Variants in CCDC91 observed in about 807,000 individuals in gnomAD.
CCDC91 encodes the protein coiled-coil domain-containing protein 91.
A neutral mutation model predicts 63.2 loss-of-function variants in CCDC91; 48 were observed. The ratio of observed to expected loss-of-function variants is 0.76; its 90% CI spans 0.60 to 0.97. The LOEUF (loss-of-function observed/expected upper bound fraction) is 0.97, where lower values mean the gene tolerates loss of function less well. Ranked by LOEUF, CCDC91 falls within the 50% of genes least tolerant of loss-of-function variation. CCDC91 has a pLI of 0.00. For missense variants in CCDC91, 500 were observed against 494.6 expected (o/e 1.01, Z -0.10); for synonymous variants, 167 against 165.8 (o/e 1.01, Z -0.06).
Position 28,506,867 on chromosome 12 carries a change from A to C in CCDC91, c.1215+22702A>C, listed in dbSNP as rs575483502. Among the ~76,000 whole-genome samples the C allele has an allele frequency of 3.3e-5, 5 of 151,962 alleles. No homozygotes were observed. The East Asian group carries it at 7.8e-4, about 24-fold the overall frequency. ...GAATCTGTCCTTCAGGGGTAAAAAA[A>C]AAAAAAGACAAAACCAAAACGATAA... On this transcript the variant is annotated intron_variant, in intron 12 of 12. Coordinates refer to ENST00000536442, the MANE Select transcript of CCDC91 (RefSeq NM_018318.5).
chr12:28,384,060 A>G (rs1945454156), intron 7 of CCDC91, among the ~76,000 whole-genome samples: 1 of 152,166 alleles, frequency 6.6e-6, no homozygotes, highest in African/African-American at 2.4e-5. Context: ...GTTGGTAACC[A>G]AGAACAGCAT....
chr12:28,196,176 C>T (rs556520971), intron 1 of CCDC91, among the ~76,000 whole-genome samples: 2 of 152,216 alleles, frequency 1.3e-5, no homozygotes, highest in East Asian at 3.9e-4. Context: ...TTAAGCTTTC[C>T]GCATAAAAAT....
At chr12:28,273,661 T>A (rs561036533) in intron 3 of CCDC91, among the ~76,000 whole-genome samples, 15 of 152,260 alleles carry the variant, frequency 9.9e-5, no homozygotes, top group African/African-American at 3.6e-4. Flanking sequence ...TCTGTTCATA[T>A]CCTTCGCCCA....
chr12:28,221,664 C>T (rs1592026197), intron 1 of CCDC91, among the ~76,000 whole-genome samples: 1 of 152,262 alleles, frequency 6.6e-6, no homozygotes. Flanking sequence ...GAGGATTCAG[C>T]TGAATGCTCC....
rs533842391 is a variant in CCDC91 at position 28,215,536 on chromosome 12, C to T, written c.-15+24895C>T. Among the ~76,000 whole-genome samples, 4 of 152,114 alleles carry T rather than the reference C, an allele frequency of 2.6e-5. No homozygotes were observed. In the South Asian group the frequency reaches 6.2e-4, roughly 24 times the overall value. On this transcript the variant is annotated intron_variant, in intron 1 of 12. Coordinates refer to ENST00000536442, the MANE Select transcript of CCDC91 (RefSeq NM_018318.5). Reference sequence around the variant, plus strand: ...AAATTTTGAAATAATGTAGGATTATCTTACCACTGTATCTATTAAGAAGAG... The same window carrying T: ...AAATTTTGAAATAATGTAGGATTATTTTACCACTGTATCTATTAAGAAGAG...
intron 11 of CCDC91, among the ~76,000 whole-genome samples, chr12:28,457,239 T>A (rs1310649878): frequency 6.6e-6 from 1 of 151,946 alleles, no homozygotes; most frequent in Non-Finnish European, 1.5e-5. Context: ...GTTTGGCAGC[T>A]AGTTGGGATA....
chr12:28,329,619 TTA>T (rs1379467587), intron 6 of CCDC91, among the ~76,000 whole-genome samples: 1 of 152,066 alleles, frequency 6.6e-6, no homozygotes, highest in African/African-American at 2.4e-5. Flanking sequence ...TTAAGGATTA[TTA>T]TTTTTTTTAT....
At chr12:28,460,739 A>G (rs1205266110) in intron 11 of CCDC91, among the ~76,000 whole-genome samples, 1 of 152,054 alleles carries the variant, frequency 6.6e-6, no homozygotes, top group Non-Finnish European at 1.5e-5. Flanking sequence ...TGCATACTAT[A>G]TATACACATG....
At chr12:28,220,579 T>G (rs1346408746) in intron 1 of CCDC91, among the ~76,000 whole-genome samples, 1 of 151,832 alleles carries the variant, frequency 6.6e-6, no homozygotes, top group Non-Finnish European at 1.5e-5. Context: ...GTTTTTGTCT[T>G]TCTTCTCCCT....
At chr12:28,265,375 G>C (rs1343852781) in intron 3 of CCDC91, among the ~76,000 whole-genome samples, 1 of 152,016 alleles carries the variant, frequency 6.6e-6, no homozygotes, top group African/African-American at 2.4e-5. Flanking sequence ...CCTTTAGAAG[G>C]AATAATGGGA....
intron 7 of CCDC91, among the ~76,000 whole-genome samples, chr12:28,363,187 T>C (rs1271202883): frequency 6.6e-6 from 1 of 152,140 alleles, no homozygotes; most frequent in Non-Finnish European, 1.5e-5. Flanking sequence ...GCAGTTCCAT[T>C]GTATATTCTT....
intron 1 of CCDC91, among the ~76,000 whole-genome samples, chr12:28,203,347 C>T (rs1942605779): frequency 6.6e-6 from 1 of 152,058 alleles, no homozygotes; most frequent in South Asian, 2.1e-4. Flanking sequence ...TTTTGGAGTT[C>T]CTTAACTCCA....
intron 1 of CCDC91, among the ~76,000 whole-genome samples, chr12:28,232,583 A>G (rs1275411876): frequency 2.6e-5 from 4 of 152,130 alleles, no homozygotes; most frequent in Non-Finnish European, 5.9e-5. Context: ...TCTGAATTAG[A>G]GGGGAGGAAT....
intron 12 of CCDC91, among the ~76,000 whole-genome samples, chr12:28,542,009 T>G (rs1170973953): frequency 6.6e-6 from 1 of 152,110 alleles, no homozygotes; most frequent in Non-Finnish European, 1.5e-5. Flanking sequence ...TGGCTTTTGT[T>G]TTTTAAGTTG....
At chr12:28,438,725 C>G (rs1458818579) in intron 8 of CCDC91, among the ~76,000 whole-genome samples, 2 of 151,996 alleles carry the variant, frequency 1.3e-5, no homozygotes, top group Non-Finnish European at 2.9e-5. Flanking sequence ...AACCATAACC[C>G]TGTCATGAGT....
At chr12:28,367,412 T>A (rs1406904198) in intron 7 of CCDC91, among the ~76,000 whole-genome samples, 1 of 152,018 alleles carries the variant, frequency 6.6e-6, no homozygotes, top group African/African-American at 2.4e-5. Context: ...ATCAGTAAAT[T>A]TGAAAAAAAT....
intron 11 of CCDC91, among the ~76,000 whole-genome samples, chr12:28,464,383 ACCCATC>A (rs1413134855): frequency 6.6e-6 from 1 of 152,102 alleles, no homozygotes; most frequent in Non-Finnish European, 1.5e-5. Flanking sequence ...GTGTGGCATC[ACCCATC>A]CCCAGCCCCA....
intron 7 of CCDC91, among the ~76,000 whole-genome samples, chr12:28,372,900 C>T (rs975020537): frequency 1.3e-5 from 2 of 152,062 alleles, no homozygotes; most frequent in African/African-American, 4.8e-5. Flanking sequence ...GCATCCTTGT[C>T]TTGTTTCAGG....
chr12:28,418,570 A>G (rs1325069993), intron 8 of CCDC91, among the ~76,000 whole-genome samples: 8 of 152,130 alleles, frequency 5.3e-5, no homozygotes, highest in Non-Finnish European at 8.8e-5. Flanking sequence ...ATCTCAAAGC[A>G]TAGTGCTGTC....
Sources: allele counts gnomAD v4.1 joint callset (sites outside exome capture counted in the v4.1 genomes callset), GRCh38; gene constraint gnomAD v4.1.1; transcripts MANE v1.5; gene names NCBI Gene and HGNC (gene_info 2026-07-23, HGNC 2026-07-21).